SNTB1: variants seen among roughly 807,000 people sequenced by gnomAD.
SNTB1 encodes syntrophin beta 1, also known as beta-1-syntrophin.
A neutral mutation model predicts 48.9 loss-of-function variants in SNTB1; 36 were observed. The ratio of observed to expected loss-of-function variants is 0.74; its 90% CI spans 0.56 to 0.97. The LOEUF is 0.97. Among genes scored for constraint, SNTB1 ranks in the 50% least tolerant of loss-of-function variants. SNTB1 has a pLI of 0.00. For missense variants in SNTB1, 786 were observed against 703.4 expected, an observed-to-expected ratio of 1.12 and a Z score of -1.33; for synonymous variants, 299 against 294.6, an observed-to-expected ratio of 1.01 and a Z score of -0.15.
intron 2 of SNTB1, among the ~76,000 whole-genome samples, chr8:120,684,780 G>A (rs1039151971): frequency 2.6e-5 from 4 of 151,638 alleles, no homozygotes; most frequent in East Asian, 1.9e-4. Context: ...TCAGCCTCCC[G>A]AGTAGCTGGG....
At chr8:120,561,067 C>T (rs1002148079) in intron 4 of SNTB1, among the ~76,000 whole-genome samples, 3 of 151,848 alleles carry the variant, frequency 2.0e-5, no homozygotes, top group African/African-American at 7.3e-5. Context: ...GTGGCTCATG[C>T]CTGTAATCCC....
chr8:120,626,131 G>A (rs1816878377), intron 3 of SNTB1, among the ~76,000 whole-genome samples: 1 of 152,104 alleles, frequency 6.6e-6, no homozygotes, highest in Non-Finnish European at 1.5e-5. Context: ...TAGAATTGGG[G>A]GGGATGAGTA....
At chr8:120,626,115 GTT>G (rs1816878128) in intron 3 of SNTB1, among the ~76,000 whole-genome samples, 1 of 152,142 alleles carries the variant, frequency 6.6e-6, no homozygotes, top group Non-Finnish European at 1.5e-5. Context: ...GTTGGTTCTA[GTT>G]ACCTAGAATT....
At chr8:120,626,963 G>A (rs1171434192) in intron 3 of SNTB1, among the ~76,000 whole-genome samples, 2 of 152,154 alleles carry the variant, frequency 1.3e-5, no homozygotes, top group African/African-American at 2.4e-5. Flanking sequence ...TTGCTGCACT[G>A]TCATCTTTGT....
chr8:120,740,181 T>A (rs1015581465), intron 1 of SNTB1, among the ~76,000 whole-genome samples: 4 of 152,152 alleles, frequency 2.6e-5, no homozygotes, highest in Non-Finnish European at 4.4e-5. Flanking sequence ...GACAAGATGG[T>A]CCATAGCAGC....
At position 120,536,701 on chromosome 8, in the gene SNTB1, T is replaced by C. The variant is rs1815208176; in HGVS notation, c.*2176A>G. ...AAAATATAAATAATTAAATTAAATG[T>C]TTATAAATGTAGAGAATGTAGTTTC... On this transcript the variant is annotated 3_prime_UTR_variant, in exon 7 of 7. Coordinates refer to ENST00000517992, the MANE Select transcript of SNTB1 (RefSeq NM_021021.4). The C allele has an allele frequency of 6.6e-6, 1 of 152,100 alleles. No individual in the cohort carries two copies. Among genetic ancestry groups the C allele is most frequent in the Non-Finnish European group, 1.5e-5 (1 of 68,012 alleles). 9.4% of individuals were successfully genotyped at this position (152,100 alleles called of 1,614,324 possible).
At chr8:120,726,645 AT>A (rs933587653) in intron 1 of SNTB1, among the ~76,000 whole-genome samples, 4 of 152,200 alleles carry the variant, frequency 2.6e-5, no homozygotes, top group Admixed American at 2.0e-4. Context: ...AAAATACAAG[AT>A]TTAAAAGGGA....
chr8:120,803,531 G>A (rs114175061), intron 1 of SNTB1, among the ~76,000 whole-genome samples: 123 of 152,298 alleles, frequency 8.1e-4, no homozygotes, highest in African/African-American at 2.9e-3. Flanking sequence ...GGAACGCTTA[G>A]TAGGCCAGTA....
intron 2 of SNTB1, among the ~76,000 whole-genome samples, chr8:120,660,079 G>T (rs899810600): frequency 6.6e-6 from 1 of 152,294 alleles, no homozygotes; most frequent in African/African-American, 2.4e-5. Context: ...GGCAGAGAAG[G>T]TTCAGCATAA....
At chr8:120,684,291 C>A (rs777975049) in intron 2 of SNTB1, among the ~76,000 whole-genome samples, 1 of 152,166 alleles carries the variant, frequency 6.6e-6, no homozygotes, top group Non-Finnish European at 1.5e-5. Flanking sequence ...TGGGGAGACA[C>A]AAACATTCAG....
At chr8:120,775,481 A>G (rs1819715953) in intron 1 of SNTB1, 2 of 152,168 alleles carry the variant, frequency 1.3e-5, no homozygotes, top group African/African-American at 4.8e-5. Context: ...GCCAACCTCC[A>G]TTGCTGGTAG....
chr8:120,807,052 T>G (rs574195017), intron 1 of SNTB1, among the ~76,000 whole-genome samples: 1 of 152,310 alleles, frequency 6.6e-6, no homozygotes, highest in African/African-American at 2.4e-5. Context: ...ACAACTGTCC[T>G]TGACTTTCTT....
intron 4 of SNTB1, among the ~76,000 whole-genome samples, chr8:120,556,065 C>G (rs935943766): frequency 6.6e-6 from 1 of 152,194 alleles, no homozygotes; most frequent in Non-Finnish European, 1.5e-5. Context: ...AGCACCTACT[C>G]TACACAAACC....
At chr8:120,684,739 C>T (rs1242037715) in intron 2 of SNTB1, among the ~76,000 whole-genome samples, 2 of 151,406 alleles carry the variant, frequency 1.3e-5, no homozygotes, top group African/African-American at 4.9e-5. Flanking sequence ...ACTGCAACCT[C>T]TGCCTCCTGG....
chr8:120,784,056 C>T (rs555338100), intron 1 of SNTB1, among the ~76,000 whole-genome samples: 4 of 152,064 alleles, frequency 2.6e-5, no homozygotes, highest in East Asian at 1.9e-4. Context: ...TGCAATGGCA[C>T]GATTTCTGCT....
chr8:120,739,655 G>A (rs1287112580), intron 1 of SNTB1, among the ~76,000 whole-genome samples: 1 of 152,138 alleles, frequency 6.6e-6, no homozygotes, highest in East Asian at 1.9e-4. Context: ...AAAGTTCAGG[G>A]TTCTCTGTGT....
chr8:120,792,773 G>A (rs1004415093), intron 1 of SNTB1, among the ~76,000 whole-genome samples: 1 of 151,978 alleles, frequency 6.6e-6, no homozygotes, highest in Non-Finnish European at 1.5e-5. Flanking sequence ...TGTACAGGAT[G>A]TTGTACACTA....
intron 2 of SNTB1, among the ~76,000 whole-genome samples, chr8:120,682,938 G>C (rs1817959914): frequency 7.0e-6 from 1 of 143,870 alleles, no homozygotes; most frequent in Admixed American, 7.1e-5. Context: ...CCAGACTGCA[G>C]TGGCGCTATC....
chr8:120,662,038 G>A (rs1377985876), intron 2 of SNTB1, among the ~76,000 whole-genome samples: 1 of 151,854 alleles, frequency 6.6e-6, no homozygotes, highest in African/African-American at 2.4e-5. Context: ...CACTGTCAAG[G>A]TCTTTATGGA....
Sources: allele counts gnomAD v4.1 joint callset (sites outside exome capture counted in the v4.1 genomes callset), GRCh38; gene constraint gnomAD v4.1.1; transcripts MANE v1.5; gene names NCBI Gene and HGNC (gene_info 2026-07-23, HGNC 2026-07-21).